The following PPP4R2 variants were observed in gnomAD, a reference collection of about 807,000 sequenced individuals.
The protein encoded by PPP4R2 is protein phosphatase 4 regulatory subunit 2.
A neutral mutation model predicts 47.2 loss-of-function variants in PPP4R2; 13 were observed. The observed-to-expected ratio is 0.28, with a 90% CI of 0.18 to 0.44. The LOEUF (loss-of-function observed/expected upper bound fraction) is 0.44. Among genes scored for constraint, PPP4R2 ranks in the 20% least tolerant of loss-of-function variants. The pLI is 1.00. For missense variants in PPP4R2, 421 were observed against 491.2 expected, an observed-to-expected ratio of 0.86 and a Z score of 1.35; for synonymous variants, 151 against 163.3, an observed-to-expected ratio of 0.92 and a Z score of 0.57.
chr3:73,058,933 A>T, intron 3 of PPP4R2, 104 bp from the exon 4 acceptor site: 1 of 643,632 alleles, frequency 1.6e-6, no homozygotes, highest in Non-Finnish European at 2.6e-6. Context: ...TTTGTAGCTT[A>T]ATACATGGGT....
chr3:73,005,382 TC>T (rs1417684163), intron 2 of PPP4R2, among the ~76,000 whole-genome samples: 1 of 151,634 alleles, frequency 6.6e-6, no homozygotes, highest in East Asian at 1.9e-4. Context: ...GGTGGTGTAG[TC>T]TTTCAATATG....
rs7615221 is a variant in PPP4R2, at chr3:73,044,862, A to T, written c.117-2324A>T. On this transcript the variant is annotated intron_variant, in intron 2 of 8. Coordinates refer to ENST00000356692, the MANE Select transcript of PPP4R2 (RefSeq NM_174907.4). The stretch of plus-strand genomic sequence containing the variant: ...AATCTGGATATTAACCCCTTATCAG[A>T]TAAAAGATTTGCAAATATTTTCTCC... Among the ~76,000 whole-genome samples, 492 of 152,330 alleles carry T rather than the reference A, an allele frequency of 3.2e-3. 2 individuals carry two copies. Among genetic ancestry groups the T allele is most frequent in the African/African-American group, 0.011 (455 of 41,578 alleles).
intron 2 of PPP4R2, among the ~76,000 whole-genome samples, chr3:73,005,047 C>T (rs1057234179): frequency 6.6e-6 from 1 of 151,442 alleles, no homozygotes; most frequent in Non-Finnish European, 1.5e-5. Flanking sequence ...GCCATCTCCG[C>T]TAACCGCAAT....
chr3:73,025,636 A>G (rs375841207), intron 2 of PPP4R2, among the ~76,000 whole-genome samples: 5 of 152,212 alleles, frequency 3.3e-5, no homozygotes, highest in South Asian at 2.1e-4. Flanking sequence ...AGGCATTTCA[A>G]CTTAGTCTGG....
rs144695066 is a variant in PPP4R2, at chr3:73,005,734, A to G, written c.116+7576A>G. Among the ~76,000 whole-genome samples the G allele has an allele frequency of 4.8e-3, 718 of 150,554 alleles. 21 individuals are homozygous for G. The highest frequency in any genetic ancestry group is 0.033 in the Admixed American group (492 of 14,986). On this transcript the variant is annotated intron_variant, in intron 2 of 8. Coordinates refer to ENST00000356692, the MANE Select transcript of PPP4R2 (RefSeq NM_174907.4). ...GCGGTGCATGCTTGTAATCCCAGCTACTCGGGAGAATCACCTGATCCCGGG... is the reference window on the plus strand; with the variant it reads ...GCGGTGCATGCTTGTAATCCCAGCTGCTCGGGAGAATCACCTGATCCCGGG...
chr3:73,016,662 T>C (rs981921430), intron 2 of PPP4R2, among the ~76,000 whole-genome samples: 1 of 151,972 alleles, frequency 6.6e-6, no homozygotes, highest in Non-Finnish European at 1.5e-5. Flanking sequence ...ATAAATAATA[T>C]GAATGTCCTA....
At chr3:73,033,496 G>C (rs1198474974) in intron 2 of PPP4R2, among the ~76,000 whole-genome samples, 1 of 152,042 alleles carries the variant, frequency 6.6e-6, no homozygotes, top group Non-Finnish European at 1.5e-5. Context: ...TTTAATTCTG[G>C]GAATTATTTA....
chr3:73,042,839 A>G (rs1030240669), intron 2 of PPP4R2, among the ~76,000 whole-genome samples: 12 of 152,134 alleles, frequency 7.9e-5, no homozygotes, highest in African/African-American at 2.9e-4. Context: ...TGCTTGATTT[A>G]TTTGAAAGTT....
intron 3 of PPP4R2, among the ~76,000 whole-genome samples, chr3:73,049,895 C>T (rs562277482): frequency 4.7e-4 from 71 of 152,090 alleles, no homozygotes; most frequent in Admixed American, 1.3e-3. Context: ...GAGCATTCTT[C>T]TTTTACAACT....
intron 2 of PPP4R2, among the ~76,000 whole-genome samples, chr3:73,038,244 A>G (rs1420361914): frequency 6.6e-6 from 1 of 152,206 alleles, no homozygotes; most frequent in Non-Finnish European, 1.5e-5. Context: ...AAAAAACTCA[A>G]CATCTCTTTG....
intron 2 of PPP4R2, among the ~76,000 whole-genome samples, chr3:73,034,135 GGTGT>G (rs61547019): frequency 0.13 from 19,598 of 151,892 alleles, 1,514 homozygotes; most frequent in East Asian, 0.36. Context: ...TCTGTGTGTG[GGTGT>G]GTGTATTTTT....
Position 73,066,647 on chromosome 3 carries a change from C to G in PPP4R2, c.*925C>G, listed in dbSNP as rs1474385471. ...CAGAAGAACCAAGTAGGTTCCTTGACCTTTTGCTTGCTTTTCTGAACATTG... is the reference window on the plus strand; with the variant it reads ...CAGAAGAACCAAGTAGGTTCCTTGAGCTTTTGCTTGCTTTTCTGAACATTG... On this transcript the variant is annotated 3_prime_UTR_variant, in exon 9 of 9. Coordinates refer to ENST00000356692, the MANE Select transcript of PPP4R2 (RefSeq NM_174907.4). The G allele has an allele frequency of 6.6e-6, 1 of 152,012 alleles. No homozygotes were observed. Among genetic ancestry groups the G allele is most frequent in the Non-Finnish European group, 1.5e-5 (1 of 67,932 alleles). 9.4% of individuals were successfully genotyped at this position (152,012 alleles called of 1,614,324 possible).
chr3:73,062,377 A>C, intron 5 of PPP4R2: 1 of 1,607,208 alleles, frequency 6.2e-7, no homozygotes. Context: ...AGCATTGGGG[A>C]TATTAAGGAC....
At chr3:73,042,091 T>A (rs188148264) in intron 2 of PPP4R2, among the ~76,000 whole-genome samples, 152 of 152,320 alleles carry the variant, frequency 1.0e-3, no homozygotes, top group African/African-American at 3.4e-3. Context: ...CAGTACATTA[T>A]TGAGTTAATT....
intron 2 of PPP4R2, among the ~76,000 whole-genome samples, chr3:73,020,930 G>A (rs910802362): frequency 4.6e-5 from 7 of 151,976 alleles, no homozygotes; most frequent in African/African-American, 1.7e-4. Context: ...CCTCCTAAAG[G>A]CTTGGGCTCC....
At chr3:73,013,761 C>T in intron 2 of PPP4R2, among the ~76,000 whole-genome samples, 1 of 152,122 alleles carries the variant, frequency 6.6e-6, no homozygotes. Context: ...GCCTCAGCCT[C>T]CCGAGTAGGT....
Position 73,063,982 on chromosome 3 carries a change from TG to T in PPP4R2, c.495-20del. On this transcript the variant is annotated intron_variant, in intron 6 of 8. Coordinates refer to ENST00000356692, the MANE Select transcript of PPP4R2 (RefSeq NM_174907.4). ...GACTTTTTATAAAAATAGGAAATGA[TG>T]TTCATTTATCTTATTATAGGTCTAA... The T allele has an allele frequency of 6.4e-7, 1 of 1,559,768 alleles. No individual in the cohort carries two copies. Among genetic ancestry groups the T allele is most frequent in the Non-Finnish European group, 8.7e-7 (1 of 1,154,210 alleles).
At chr3:73,025,387 TCTTA>T (rs1398019133) in intron 2 of PPP4R2, among the ~76,000 whole-genome samples, 1 of 152,214 alleles carries the variant, frequency 6.6e-6, no homozygotes, top group East Asian at 1.9e-4. Flanking sequence ...CGTTTATTGT[TCTTA>T]CTAAGATCTT....
chr3:73,047,993 C>T (rs903737157), intron 3 of PPP4R2, among the ~76,000 whole-genome samples: 6 of 152,208 alleles, frequency 3.9e-5, no homozygotes, highest in African/African-American at 1.4e-4. Context: ...TCTCCTCCCT[C>T]AGCTTCGCGA....
Sources: gnomAD v4.1 joint callset for allele counts (sites outside exome capture counted in the v4.1 genomes callset) on GRCh38, gnomAD v4.1.1 for gene constraint, MANE v1.5 for transcripts, NCBI Gene and HGNC (gene_info 2026-07-23, HGNC 2026-07-21) for gene names.